Variants in ARHGAP6 observed in about 807,000 individuals in gnomAD.
The protein encoded by ARHGAP6 is rho GTPase-activating protein 6.
A neutral mutation model predicts 55.7 loss-of-function variants in ARHGAP6; 16 were observed. The observed-to-expected ratio is 0.29, with a 90% confidence interval of 0.19 to 0.44. The LOEUF (loss-of-function observed/expected upper bound fraction) is 0.44, where lower values mean the gene tolerates loss of function less well. Ranked by LOEUF, ARHGAP6 falls within the 20% of genes least tolerant of loss-of-function variation. The pLI is 1.00. For synonymous variants in ARHGAP6, 382 were observed against 360.9 expected (o/e 1.06, Z -0.66); for missense variants, 698 against 808.9 (o/e 0.86, Z 1.66).
At chrX:11,190,320 A>G (rs2046436968) in intron 3 of ARHGAP6, among the ~76,000 whole-genome samples, 1 of 110,657 alleles carries the variant, frequency 9.0e-6, no homozygotes, top group Admixed American at 9.6e-5. Flanking sequence ...AAAAATAATT[A>G]GGTACTTCTC....
chrX:11,619,499 T>G (rs2052203323), intron 1 of ARHGAP6, among the ~76,000 whole-genome samples: 1 of 112,669 alleles, frequency 8.9e-6, no homozygotes, highest in Non-Finnish European at 1.9e-5. Context: ...TGATGATGCA[T>G]GCTGGATGAC....
intron 8 of ARHGAP6, among the ~76,000 whole-genome samples, chrX:11,172,288 C>T (rs1254247250): frequency 9.0e-6 from 1 of 111,464 alleles, no homozygotes; most frequent in South Asian, 3.8e-4. Context: ...AAGAAAGTGC[C>T]CTTTATGTAG....
At chrX:11,437,277 A>G (rs966339623) in intron 1 of ARHGAP6, among the ~76,000 whole-genome samples, 2 of 112,341 alleles carry the variant, frequency 1.8e-5, no homozygotes, top group East Asian at 5.6e-4. Context: ...AAAATGTAAC[A>G]GTCACTGTTT....
intron 1 of ARHGAP6, among the ~76,000 whole-genome samples, chrX:11,360,392 C>T (rs1282389320): frequency 5.5e-5 from 6 of 109,954 alleles, no homozygotes; most frequent in Non-Finnish European, 1.1e-4. Context: ...ATAAACAGAA[C>T]CAAAGACAAA....
intron 2 of ARHGAP6, among the ~76,000 whole-genome samples, chrX:11,232,112 T>C (rs2047138594): frequency 8.9e-6 from 1 of 112,225 alleles, no homozygotes; most frequent in African/African-American, 3.2e-5. Flanking sequence ...ATCGCAAATG[T>C]CTTCTAGGTA....
intron 2 of ARHGAP6, among the ~76,000 whole-genome samples, chrX:11,205,613 C>T (rs1241783421): frequency 8.9e-6 from 1 of 111,782 alleles, no homozygotes; most frequent in African/African-American, 3.3e-5. Flanking sequence ...CCTTTTATGA[C>T]TCCCAGACTA....
chrX:11,182,635 C>CTTTTTTTTTT (rs1043810466), intron 5 of ARHGAP6, among the ~76,000 whole-genome samples: 4 of 83,126 alleles, frequency 4.8e-5, no homozygotes, highest in Non-Finnish European at 7.1e-5. Context: ...TTCCTTTTTT[C>CTTTTTTTTTT]TTTTTTTTTT....
intron 8 of ARHGAP6, among the ~76,000 whole-genome samples, chrX:11,174,649 T>TTTCTG (rs1569241636): frequency 1.4e-4 from 12 of 84,954 alleles, no homozygotes; most frequent in African/African-American, 5.7e-4. Flanking sequence ...CTTTCTTTCT[T>TTTCTG]TCTTTCTTTC....
intron 1 of ARHGAP6, among the ~76,000 whole-genome samples, chrX:11,462,098 T>C (rs2050250852): frequency 8.9e-6 from 1 of 112,520 alleles, no homozygotes; most frequent in Non-Finnish European, 1.9e-5. Flanking sequence ...ATTTTATTTA[T>C]GAGACACAAA....
At chrX:11,555,399 G>A (rs761231381) in intron 1 of ARHGAP6, among the ~76,000 whole-genome samples, 2 of 111,189 alleles carry the variant, frequency 1.8e-5, no homozygotes, top group Admixed American at 9.6e-5. Flanking sequence ...GTGCACAGTG[G>A]TCAGGGGAGG....
intron 2 of ARHGAP6, among the ~76,000 whole-genome samples, chrX:11,223,916 C>T (rs1455331633): frequency 9.0e-6 from 1 of 111,552 alleles, no homozygotes; most frequent in East Asian, 2.8e-4. Flanking sequence ...TGTAAGATAG[C>T]TGCTCTAGTA....
chrX:11,158,917 A>G (rs2045902214), intron 9 of ARHGAP6, among the ~76,000 whole-genome samples: 1 of 112,464 alleles, frequency 8.9e-6, no homozygotes, highest in Non-Finnish European at 1.9e-5. Flanking sequence ...GCATTAAACA[A>G]ACATACAAGA....
intron 1 of ARHGAP6, chrX:11,334,090 C>T (rs1302764551): frequency 9.2e-6 from 1 of 109,075 alleles, no homozygotes; most frequent in African/African-American, 3.4e-5. Flanking sequence ...CATTCAATCA[C>T]TCAGTATTAC....
chrX:11,565,212 C>T (rs1345935078), intron 1 of ARHGAP6, among the ~76,000 whole-genome samples: 1 of 112,057 alleles, frequency 8.9e-6, no homozygotes, highest in African/African-American at 3.2e-5. Context: ...GTCATCACAT[C>T]TCCAGTTGCT....
At chrX:11,212,980 C>T (rs150217483) in intron 2 of ARHGAP6, among the ~76,000 whole-genome samples, 2,639 of 112,637 alleles carry the variant, frequency 0.023, 84 homozygotes, top group African/African-American at 0.082. Context: ...TGTGGGGCCA[C>T]GCCCCCTGCA....
chrX:11,489,912 G>C (rs1019988145), intron 1 of ARHGAP6, among the ~76,000 whole-genome samples: 6 of 111,404 alleles, frequency 5.4e-5, no homozygotes, highest in African/African-American at 2.0e-4. Context: ...TAAGGTAAAA[G>C]GTAATCAGGA....
chrX:11,249,324 A>G (rs917771651), intron 2 of ARHGAP6, among the ~76,000 whole-genome samples: 1 of 111,717 alleles, frequency 9.0e-6, no homozygotes, highest in Non-Finnish European at 1.9e-5. Flanking sequence ...TGTTCAGTGT[A>G]TACTGCTTGG....
At chrX:11,275,004 T>C (rs1487690045) in intron 1 of ARHGAP6, among the ~76,000 whole-genome samples, 2 of 111,724 alleles carry the variant, frequency 1.8e-5, no homozygotes, top group Non-Finnish European at 3.8e-5. Context: ...ATGAGCTACT[T>C]ATTAGGAATC....
chrX:11,630,643 G>A (rs868024096), intron 1 of ARHGAP6, among the ~76,000 whole-genome samples: 1 of 110,826 alleles, frequency 9.0e-6, no homozygotes, highest in East Asian at 2.8e-4. Flanking sequence ...ATGGATGGAT[G>A]GACAGACAGA....
Sources: gnomAD v4.1 joint callset for allele counts (sites outside exome capture counted in the v4.1 genomes callset) on GRCh38, gnomAD v4.1.1 for gene constraint, MANE v1.5 for transcripts, NCBI Gene and HGNC (gene_info 2026-07-23, HGNC 2026-07-21) for gene names.